The following ACTMAP variants were observed in gnomAD, a reference collection of about 807,000 sequenced individuals.
ACTMAP encodes the protein UPF0692 protein C19orf54.
At chr19:40,742,023 AG>A in the ACTMAP span, 1 of 462,584 alleles carries the variant, frequency 2.2e-6, no homozygotes, top group Non-Finnish European at 4.3e-6. Flanking sequence ...ACAACACTTC[AG>A]GGATCTAAAA....
At chr19:40,741,503 C>G in the ACTMAP span, 1 of 335,510 alleles carries the variant, frequency 3.0e-6, no homozygotes, top group South Asian at 2.3e-5. Context: ...CAGTTAGGGA[C>G]AGAGAAGTGA....
the ACTMAP span, among the ~76,000 whole-genome samples, chr19:40,747,550 A>G: frequency 6.6e-6 from 1 of 151,762 alleles, no homozygotes; most frequent in Non-Finnish European, 1.5e-5. Flanking sequence ...AAATAAATAA[A>G]TAAATAAATA....
the ACTMAP span, chr19:40,749,871 G>T: frequency 8.3e-7 from 1 of 1,199,110 alleles, no homozygotes; most frequent in Non-Finnish European, 1.1e-6. Flanking sequence ...AACGGAGAAC[G>T]GTCTCAGGGA....
At chr19:40,744,450 C>A in the ACTMAP span, 1 of 1,518,136 alleles carries the variant, frequency 6.6e-7, no homozygotes. Flanking sequence ...GTGGGAAGGG[C>A]CCAAAGAATG....
chr19:40,743,606 T>C, the ACTMAP span, among the ~76,000 whole-genome samples: 3 of 152,132 alleles, frequency 2.0e-5, no homozygotes, highest in African/African-American at 4.8e-5. Context: ...TACCCCCAAT[T>C]TCCAGATGGG....
At chr19:40,747,287 A>C in the ACTMAP span, among the ~76,000 whole-genome samples, 1 of 151,858 alleles carries the variant, frequency 6.6e-6, no homozygotes, top group Non-Finnish European at 1.5e-5. Flanking sequence ...CTGTAATCCC[A>C]GCACTTTGGG....
chr19:40,742,578 T>C, the ACTMAP span: 2 of 1,607,520 alleles, frequency 1.2e-6, no homozygotes, highest in Non-Finnish European at 8.5e-7. Context: ...CTCCCGGACC[T>C]GGTCGTAGTC....
chr19:40,749,612 G>C, the ACTMAP span: 1 of 1,550,638 alleles, frequency 6.4e-7, no homozygotes, highest in Non-Finnish European at 8.7e-7. Flanking sequence ...CAGGCCCTGT[G>C]GCAGCGGGTG....
chr19:40,740,979 TTG>T, the ACTMAP span: 1 of 398,572 alleles, frequency 2.5e-6, no homozygotes, highest in Non-Finnish European at 4.4e-6. Flanking sequence ...GTTCACTCAC[TTG>T]GCAGTCACTG....
chr19:40,742,562 G>A, the ACTMAP span: 10 of 1,602,252 alleles, frequency 6.2e-6, no homozygotes, highest in Non-Finnish European at 8.5e-6. Flanking sequence ...TCAGCTGCAG[G>A]TTGCTCTCCC....
chr19:40,748,423 GGCAAGTC>G, the ACTMAP span, among the ~76,000 whole-genome samples: 1 of 151,942 alleles, frequency 6.6e-6, no homozygotes, highest in Non-Finnish European at 1.5e-5. Context: ...TGTGAGTCCT[GGCAAGTC>G]GCTTCTCCCT....
chr19:40,745,930 C>A, the ACTMAP span, among the ~76,000 whole-genome samples: 1 of 152,200 alleles, frequency 6.6e-6, no homozygotes, highest in Non-Finnish European at 1.5e-5. Context: ...CCTTGGCCTC[C>A]CAAAGTGCTG....
At chr19:40,749,123 T>A in the ACTMAP span, among the ~76,000 whole-genome samples, 10 of 151,812 alleles carry the variant, frequency 6.6e-5, no homozygotes, top group Non-Finnish European at 1.2e-4. Flanking sequence ...CCCGAGTAGC[T>A]GGGACTACAG....
chr19:40,744,351 A>G, the ACTMAP span, among the ~76,000 whole-genome samples: 2 of 152,158 alleles, frequency 1.3e-5, no homozygotes, highest in African/African-American at 2.4e-5. Flanking sequence ...TGGCTTGTCC[A>G]TGGCCCCAGC....
chr19:40,744,250 T>G, the ACTMAP span: 1 of 1,492,174 alleles, frequency 6.7e-7, no homozygotes, highest in Non-Finnish European at 8.9e-7. Flanking sequence ...AGCACCGTGC[T>G]GAGGGCTCAC....
At chr19:40,746,796 C>T in the ACTMAP span, among the ~76,000 whole-genome samples, 1 of 152,240 alleles carries the variant, frequency 6.6e-6, no homozygotes. Flanking sequence ...CAGGCGTGAG[C>T]CACCATGCCC....
the ACTMAP span, chr19:40,745,235 C>A: frequency 6.5e-7 from 1 of 1,548,576 alleles, no homozygotes. Context: ...AGGGAGCCAG[C>A]TCTGAAGCAC....
chr19:40,743,976 C>T, the ACTMAP span: 1 of 1,614,060 alleles, frequency 6.2e-7, no homozygotes, highest in Non-Finnish European at 8.5e-7. Context: ...CTCGTCGTAG[C>T]TGGTGCTGGC....
chr19:40,746,283 G>A, the ACTMAP span, among the ~76,000 whole-genome samples: 4 of 151,886 alleles, frequency 2.6e-5, no homozygotes, highest in Non-Finnish European at 5.9e-5. Flanking sequence ...GCAATGGTGC[G>A]ATCTTGGCTC....
Sources: allele counts gnomAD v4.1 joint callset (sites outside exome capture counted in the v4.1 genomes callset), GRCh38; gene constraint gnomAD v4.1.1; transcripts MANE v1.5; gene names NCBI Gene and HGNC (gene_info 2026-07-23, HGNC 2026-07-21).